Variants in GCNT1 observed in about 807,000 individuals in gnomAD.
The protein encoded by GCNT1 is beta-1,3-galactosyl-O-glycosyl-glycoprotein beta-1,6-N-acetylglucosaminyltransferase.
In GCNT1, 16 loss-of-function variants were observed where a neutral mutation model predicts 26.2. The observed-to-expected ratio is 0.61, with a 90% CI of 0.41 to 0.93. The LOEUF is 0.93. Among genes scored for constraint, GCNT1 ranks in the 40% least tolerant of loss-of-function variants. The pLI is 0.00. For synonymous variants in GCNT1, 183 were observed against 190.8 expected, an observed-to-expected ratio of 0.96 and a Z score of 0.34; for missense variants, 477 against 526.7, an observed-to-expected ratio of 0.91 and a Z score of 0.92.
chr9:76,408,689 T>C, the GCNT1 span, among the ~76,000 whole-genome samples: 5 of 151,912 alleles, frequency 3.3e-5, no homozygotes, highest in Non-Finnish European at 7.4e-5. Context: ...TTTTCTTTTC[T>C]TCTTCTTCTT....
intron 3 of GCNT1, 82 bp from the exon 4 acceptor site, chr9:76,502,157 C>CTCTCTT (rs1825088306): frequency 2.9e-5 from 2 of 70,134 alleles, no homozygotes; most frequent in Non-Finnish European, 5.2e-5. Context: ...TTGTGAAAAA[C>CTCTCTT]TCTCTCTCTC....
intron 1 of GCNT1, among the ~76,000 whole-genome samples, chr9:76,459,573 C>T (rs756850266): frequency 9.8e-5 from 15 of 152,318 alleles, no homozygotes; most frequent in South Asian, 2.1e-4. Context: ...TGGCCTCTTG[C>T]CCCTGGTCCG....
At chr9:76,426,112 G>A (rs536405247) in intron 1 of GCNT1, among the ~76,000 whole-genome samples, 1 of 152,276 alleles carries the variant, frequency 6.6e-6, no homozygotes, top group Admixed American at 6.5e-5. Context: ...GAGGCAGGAA[G>A]GAGGTTTGTT....
intron 1 of GCNT1, among the ~76,000 whole-genome samples, chr9:76,450,468 A>G (rs1823646262): frequency 6.6e-6 from 1 of 152,242 alleles, no homozygotes; most frequent in Middle Eastern, 3.2e-3. Context: ...ATAGTTGTCC[A>G]TAAGTATCCA....
chr9:76,447,280 C>T (rs970010702), intron 1 of GCNT1, among the ~76,000 whole-genome samples: 6 of 151,692 alleles, frequency 4.0e-5, no homozygotes, highest in Non-Finnish European at 7.4e-5. Flanking sequence ...CTCACTCTCA[C>T]CCAGGCTGGA....
intron 2 of GCNT1, among the ~76,000 whole-genome samples, chr9:76,463,612 G>A (rs1402154851): frequency 1.3e-5 from 2 of 152,198 alleles, no homozygotes; most frequent in Non-Finnish European, 2.9e-5. Flanking sequence ...TAGAGTCATG[G>A]GTACTGGAGC....
chr9:76,503,316 C>T lies in GCNT1; in HGVS notation c.935C>T (p.Ala312Val). The change falls in exon 4 of 4, where the codon GCA becomes GTA. Residue 312 changes from alanine (A) to valine (V), a missense_variant. Physicochemically the swap from Ala to Val is moderately conservative, Grantham distance 64. Coordinates refer to ENST00000376730, the MANE Select transcript of GCNT1 (RefSeq NM_001490.5). ...AAAATCCAAAAGTTGATGGAGTGGG[C>T]ACAAGACACATACAGCCCTGATGAG... ...NEKIQKLMEWAQDTYSPDEYL... is the reference protein window; with the variant it reads ...NEKIQKLMEWVQDTYSPDEYL... 1 of 1,614,032 alleles carries T rather than the reference C, an allele frequency of 6.2e-7. No homozygotes were observed. The highest frequency in any genetic ancestry group is 8.5e-7 in the Non-Finnish European group (1 of 1,179,976).
chr9:76,407,934 A>G, the GCNT1 span, among the ~76,000 whole-genome samples: 421 of 152,312 alleles, frequency 2.8e-3, 1 homozygote, highest in Admixed American at 6.1e-3. Flanking sequence ...TTAATTGCTG[A>G]TATACCAGAA....
intron 2 of GCNT1, among the ~76,000 whole-genome samples, chr9:76,482,321 TA>T (rs539883076): frequency 1.2e-4 from 17 of 147,210 alleles, no homozygotes; most frequent in Middle Eastern, 7.0e-3. Context: ...GTAGCAGCAT[TA>T]AAAAAAAAAG....
intron 2 of GCNT1, among the ~76,000 whole-genome samples, chr9:76,465,283 C>T (rs1587427793): frequency 1.3e-5 from 2 of 151,862 alleles, no homozygotes; most frequent in South Asian, 2.1e-4. Context: ...GTCACCACAC[C>T]CAGATAATTT....
In GCNT1 at chr9:76,501,637, G is replaced by A. The variant is rs141549334; in HGVS notation, c.-144+576G>A. The A allele has an allele frequency of 1.6e-3, 237 of 152,274 alleles. 1 individual carries two copies. The highest frequency in any genetic ancestry group is 5.2e-3 in the African/African-American group (217 of 41,560). 9.4% of individuals were successfully genotyped at this position (152,274 alleles called of 1,614,324 possible). On this transcript the variant is annotated intron_variant, in intron 3 of 3. Transcript: ENST00000376730. ...CTTTTCAATCCAATTTGAAAATTCT[G>A]TTGACTTGCCCTTCCTTCAAAGATT... is the stretch of plus-strand genomic sequence containing the variant.
Position 76,503,641 on chromosome 9 carries a change from C to A in GCNT1, c.1260C>A (p.His420Gln). Reference sequence around the variant, plus strand: ...AGTGTTTGGATGAGCATTTGAGACACAAAGCTTTGGAGACATTAAAACACT... The same window carrying A: ...AGTGTTTGGATGAGCATTTGAGACAAAAAGCTTTGGAGACATTAAAACACT... ...AIQCLDEHLRHKALETLKH is the reference protein window; with the variant it reads ...AIQCLDEHLRQKALETLKH The change falls in exon 4 of 4, where the codon CAC becomes CAA. Residue 420 changes from histidine to glutamine, a missense_variant. Transcript: ENST00000376730. The A allele has an allele frequency of 6.2e-7, 1 of 1,613,792 alleles. No homozygotes were observed. Among genetic ancestry groups the A allele is most frequent in the Non-Finnish European group, 8.5e-7 (1 of 1,179,930 alleles).
At position 76,464,067 on chromosome 9, in the gene GCNT1, T is replaced by TA. The variant is rs1202277978; in HGVS notation, c.-290+3898dup. On this transcript the variant is annotated intron_variant, in intron 2 of 3. Transcript: ENST00000376730. ...TTTTTTTTTTTTGTAAAAATAATAA[T>TA]AAAAAAAAGGCTGAAGGATTAGTAG... Among the ~76,000 whole-genome samples, 19 of 140,220 alleles carry TA rather than the reference T, an allele frequency of 1.4e-4. No homozygotes were observed. In the East Asian group the frequency reaches 3.1e-3, roughly 23 times the overall value. 92.0% of individuals were successfully genotyped at this position (140,220 alleles called of 152,430 possible).
At chr9:76,406,488 C>A in the GCNT1 span, among the ~76,000 whole-genome samples, 2 of 146,956 alleles carry the variant, frequency 1.4e-5, no homozygotes, top group African/African-American at 2.5e-5. Context: ...CAGAGCAAGA[C>A]CCTGTCTCAA....
intron 1 of GCNT1, among the ~76,000 whole-genome samples, chr9:76,435,867 A>C (rs1823399754): frequency 6.6e-6 from 1 of 151,944 alleles, no homozygotes. Flanking sequence ...CACACAGTGA[A>C]GGGTCTTAAA....
At chr9:76,438,079 A>T (rs551819193), upstream of GCNT1, among the ~76,000 whole-genome samples, 43 of 152,272 alleles carry the variant, frequency 2.8e-4, no homozygotes, top group African/African-American at 1.0e-3. Context: ...GACAGGTCTC[A>T]AGCAATTTAG....
chr9:76,454,993 G>T (rs996622357), upstream of GCNT1, among the ~76,000 whole-genome samples: 3 of 151,374 alleles, frequency 2.0e-5, no homozygotes, highest in African/African-American at 7.3e-5. Context: ...GATTACAGGC[G>T]TGCACCACCA....
intron 2 of GCNT1, among the ~76,000 whole-genome samples, chr9:76,467,332 T>A (rs189449560): frequency 1.1e-3 from 168 of 152,182 alleles, no homozygotes; most frequent in Non-Finnish European, 2.1e-3. Flanking sequence ...GTGAGCCACC[T>A]CACCCAGCCT....
chr9:76,447,716 T>A (rs1052433672), intron 1 of GCNT1, among the ~76,000 whole-genome samples: 2 of 152,220 alleles, frequency 1.3e-5, no homozygotes, highest in African/African-American at 4.8e-5. Flanking sequence ...ATGGAGGATG[T>A]TTATTAAATA....
Sources: gnomAD v4.1 joint callset for allele counts (sites outside exome capture counted in the v4.1 genomes callset) on GRCh38, gnomAD v4.1.1 for gene constraint, MANE v1.5 for transcripts, NCBI Gene and HGNC (gene_info 2026-07-23, HGNC 2026-07-21) for gene names.